Variants in NEK9 observed in about 807,000 individuals in gnomAD.
NEK9 encodes the protein NIMA related kinase 9.
A neutral mutation model predicts 123.4 loss-of-function variants in NEK9; 75 were observed. The ratio of observed to expected loss-of-function variants is 0.61; its 90% CI spans 0.50 to 0.74. The LOEUF (loss-of-function observed/expected upper bound fraction) is 0.74. NEK9 is among the 30% of genes least tolerant of loss of function. The pLI, the probability that NEK9 is intolerant of heterozygous loss-of-function variation, is 0.00. For synonymous variants in NEK9, 438 were observed against 458.7 expected, an observed-to-expected ratio of 0.95 and a Z score of 0.58; for missense variants, 952 against 1,214.4, an observed-to-expected ratio of 0.78 and a Z score of 3.21.
intron 14 of NEK9, 129 bp downstream of exon 14, chr14:75,103,713 G>T (rs200369568): frequency 2.0e-6 from 2 of 986,862 alleles, no homozygotes; most frequent in Non-Finnish European, 2.9e-6. Flanking sequence ...TTCTTTTTCT[G>T]CACACAATGC....
chr14:75,121,782 A>G (rs543738074), intron 2 of NEK9, among the ~76,000 whole-genome samples: 119 of 152,256 alleles, frequency 7.8e-4, no homozygotes, highest in Admixed American at 9.8e-4. Flanking sequence ...GCGTGGGAGG[A>G]TCGCCTGAGC....
chr14:75,120,623 C>G (rs375888091), intron 3 of NEK9, 43 bp from the exon 4 acceptor site: 14 of 1,469,392 alleles, frequency 9.5e-6, no homozygotes, highest in Non-Finnish European at 1.3e-5. Flanking sequence ...ACAAAAAGCT[C>G]CATTTAAGTA....
intron 6 of NEK9, among the ~76,000 whole-genome samples, chr14:75,115,021 ATG>A (rs1895084282): frequency 6.6e-6 from 1 of 151,744 alleles, no homozygotes; most frequent in Non-Finnish European, 1.5e-5. Context: ...ACACACATAT[ATG>A]TGTATATATG....
intron 8 of NEK9, among the ~76,000 whole-genome samples, chr14:75,112,682 C>T (rs1200585370): frequency 6.6e-6 from 1 of 152,140 alleles, no homozygotes; most frequent in African/African-American, 2.4e-5. Flanking sequence ...ATTAGCCAGG[C>T]ATGATGGTGC....
At chr14:75,093,514 C>T (rs1332951367) in intron 18 of NEK9, among the ~76,000 whole-genome samples, 1 of 152,138 alleles carries the variant, frequency 6.6e-6, no homozygotes, top group Non-Finnish European at 1.5e-5. Flanking sequence ...TGTACAGTGG[C>T]GCAATCGTGG....
chr14:75,099,538 T>G (rs1005747084), intron 16 of NEK9, among the ~76,000 whole-genome samples: 2 of 150,680 alleles, frequency 1.3e-5, no homozygotes, highest in Non-Finnish European at 3.0e-5. Context: ...TCCCAGCACT[T>G]TCGGAGGCCA....
rs1351967297 is a variant in NEK9 at position 75,087,131 on chromosome 14, A to C, written c.2704T>G (p.Leu902Val). Residue 902 changes from leucine to valine, a missense_variant, in exon 21 of 22, where the codon TTG becomes GTG. Physicochemically the swap from Leu to Val is conservative, Grantham distance 32. Coordinates refer to ENST00000238616, the MANE Select transcript of NEK9 (RefSeq NM_033116.6). ...CSSLQVEVER[L>V]QGLVLKCLAE... ...AGACACTTTAACACCAGACCCTGCA[A>C]TCTCTCAACCTCCACCTGCAGAGAG... 3.1e-6 allele frequency: 5 copies of C among 1,614,036 alleles called. No individual in the cohort carries two copies. The highest frequency in any genetic ancestry group is 4.2e-6 in the Non-Finnish European group (5 of 1,180,046).
intron 10 of NEK9, among the ~76,000 whole-genome samples, 169 bp from the exon 11 acceptor site, chr14:75,107,656 A>C (rs1056750652): frequency 1.2e-4 from 19 of 152,130 alleles, no homozygotes; most frequent in Non-Finnish European, 2.1e-4. Context: ...GACATGAACC[A>C]CCATCCCCGG....
chr14:75,100,857 G>A (rs565069253), intron 16 of NEK9, 135 bp downstream of exon 16: 10 of 845,548 alleles, frequency 1.2e-5, no homozygotes, highest in Middle Eastern at 4.7e-4. Flanking sequence ...ATATATAACC[G>A]GCCACCAATT....
At chr14:75,124,498 A>G (rs1895451355) in intron 1 of NEK9, among the ~76,000 whole-genome samples, 1 of 152,202 alleles carries the variant, frequency 6.6e-6, no homozygotes, top group Non-Finnish European at 1.5e-5. Context: ...TAGATCTCAA[A>G]AAGATTCTAT....
intron 16 of NEK9, among the ~76,000 whole-genome samples, chr14:75,098,375 G>A (rs1894458515): frequency 6.6e-6 from 1 of 152,144 alleles, no homozygotes; most frequent in Non-Finnish European, 1.5e-5. Flanking sequence ...CAGGCATGAA[G>A]GCATGAATCA....
Position 75,101,130 on chromosome 14 carries a change from C to T in NEK9, c.1864G>A (p.Gly622Ser). The T allele has an allele frequency of 6.2e-7, 1 of 1,614,090 alleles. No individual in the cohort carries two copies. Residue 622 changes from glycine (G) to serine (S), a missense_variant, in exon 16 of 22, where the codon GGC becomes AGC. Transcript: ENST00000238616. The part of the protein sequence containing the change: ...IDERGRLLTF[G>S]CNKCGQLGVG... ...CCCAGCTGCCCACACTTGTTGCAGC[C>T]AAAGGTCAGCAGCCGGCCTCGCTCT...
intron 18 of NEK9, among the ~76,000 whole-genome samples, chr14:75,091,902 C>T (rs1187312264): frequency 6.6e-6 from 1 of 152,142 alleles, no homozygotes; most frequent in Non-Finnish European, 1.5e-5. Context: ...ATATTTGAGC[C>T]AAACTCCTCT....
intron 7 of NEK9, 113 bp from the exon 8 acceptor site, chr14:75,113,516 T>C: frequency 1.4e-6 from 1 of 724,208 alleles, no homozygotes; most frequent in Non-Finnish European, 2.4e-6. Flanking sequence ...AAAAATCATT[T>C]CTTATGTGAT....
intron 19 of NEK9, among the ~76,000 whole-genome samples, chr14:75,090,308 AAATTTC>A (rs1329513232): frequency 6.6e-6 from 1 of 151,562 alleles, no homozygotes; most frequent in East Asian, 1.9e-4. Context: ...AAAAAATTTA[AAATTTC>A]ACAAACCATA....
At position 75,080,410 on chromosome 14, in the gene NEK9, A is replaced by C. The variant is rs1260254882; in HGVS notation, c.*4154T>G. ...GATCTGGTCTCTGGGAAGAGATAAG[A>C]ACCTTTTTTTAAAAAAATCTGAATT... On this transcript the variant is annotated 3_prime_UTR_variant, in exon 22 of 22. Coordinates refer to ENST00000238616, the MANE Select transcript of NEK9 (RefSeq NM_033116.6). 1 of 152,102 alleles carries C rather than the reference A, an allele frequency of 6.6e-6. No individual in the cohort carries two copies. Among genetic ancestry groups the C allele is most frequent in the Admixed American group, 6.6e-5 (1 of 15,256 alleles). 9.4% of individuals were successfully genotyped at this position (152,102 alleles called of 1,614,324 possible).
Position 75,109,689 on chromosome 14 carries a change from C to T in NEK9, c.1178G>A (p.Trp393Ter), listed in dbSNP as rs766972270. 6.2e-7 allele frequency: 1 copy of T among 1,612,018 alleles called. No homozygotes were observed. The highest frequency in any genetic ancestry group is 8.5e-7 in the Non-Finnish European group (1 of 1,179,266). The change falls in exon 10 of 22, where the codon TGG (tryptophan) becomes TAG (stop). Residue 393 changes from tryptophan to a stop codon, truncating the protein, a stop_gained. Transcript: ENST00000238616. LOFTEE classifies it high-confidence loss of function. ...AAATGCTTAGCGTTCACTTACCACCCAAGTGTACAGTTCCTTCTCCACTGT... is the reference window on the plus strand; with the variant it reads ...AAATGCTTAGCGTTCACTTACCACCTAAGTGTACAGTTCCTTCTCCACTGT... ...VVTVEKELYTWVNMQGGTKLH... is the reference protein window; with the variant it reads ...VVTVEKELYT
chr14:75,105,968 A>C lies in NEK9; in HGVS notation c.1557T>G (p.Asp519Glu). The C allele has an allele frequency of 6.2e-7, 1 of 1,613,774 alleles. No individual in the cohort carries two copies. Among genetic ancestry groups the C allele is most frequent in the African/African-American group, 1.3e-5 (1 of 75,036 alleles). Residue 519 changes from aspartate to glutamate, a missense_variant, in exon 13 of 22, where the codon GAT becomes GAG. Around this residue, in one of 4 missense-constraint regions of NEK9, gnomAD observed 698 missense variants for 875.6 expected, o/e 0.80. Coordinates refer to ENST00000238616, the MANE Select transcript of NEK9 (RefSeq NM_033116.6). ...YGRLGLDSEE[D>E]YYTPQKVDVP... ...ATTTTACCTTTTGTGGTGTATAATA[A>C]TCCTCTTCTGAATCCAAACCCAGTC...
In NEK9 at chr14:75,084,378, A is replaced by G. The variant is rs969910127; in HGVS notation, c.*186T>C. On this transcript the variant is annotated 3_prime_UTR_variant, in exon 22 of 22. Coordinates refer to ENST00000238616, the MANE Select transcript of NEK9 (RefSeq NM_033116.6). ...TTCCATTCTCCAAAACAATAAAATC[A>G]CTCCTAGATCCTATCTAAAAGGCAA... 2 of 671,260 alleles carry G rather than the reference A, an allele frequency of 3.0e-6. No homozygotes were observed. Among genetic ancestry groups the G allele is most frequent in the Non-Finnish European group, 5.1e-6 (2 of 393,906 alleles). 41.6% of individuals were successfully genotyped at this position (671,260 alleles called of 1,614,324 possible).
Sources: allele counts gnomAD v4.1 joint callset (sites outside exome capture counted in the v4.1 genomes callset), GRCh38; gene constraint gnomAD v4.1.1; regional missense constraint gnomAD v4.1.1; transcripts MANE v1.5; gene names NCBI Gene and HGNC (gene_info 2026-07-23, HGNC 2026-07-21).